Variants in ZNF804B observed in about 807,000 individuals in gnomAD.
ZNF804B encodes the protein zinc finger 804B.
Under a neutral mutation model 101.4 loss-of-function variants are expected in ZNF804B, and 80 were observed. The observed-to-expected ratio is 0.79, with a 90% CI of 0.66 to 0.95. ZNF804B has a LOEUF of 0.95. Among genes scored for constraint, ZNF804B ranks in the 40% least tolerant of loss-of-function variants. The probability of loss-of-function intolerance (pLI) is 0.00; values close to 1 mark genes in which losing one functional copy is unlikely to be tolerated. For synonymous variants in ZNF804B, 622 were observed against 558.8 expected (o/e 1.11, Z -1.59); for missense variants, 1,673 against 1,561.9 (o/e 1.07, Z -1.20).
chr7:88,802,399 TGTTAAAATAC>T (rs1255713460), intron 1 of ZNF804B, among the ~76,000 whole-genome samples: 1 of 152,104 alleles, frequency 6.6e-6, no homozygotes, highest in Non-Finnish European at 1.5e-5. Context: ...TTTTTGTTTT[TGTTAAAATAC>T]GTTAAAATTG....
At chr7:88,857,276 A>G (rs1299811659) in intron 1 of ZNF804B, among the ~76,000 whole-genome samples, 3 of 152,150 alleles carry the variant, frequency 2.0e-5, no homozygotes, top group African/African-American at 4.8e-5. Flanking sequence ...CAGAACTGAC[A>G]GAAATAGAGA....
At chr7:88,807,476 G>A (rs1050812804) in intron 1 of ZNF804B, among the ~76,000 whole-genome samples, 22 of 152,144 alleles carry the variant, frequency 1.4e-4, no homozygotes, top group Non-Finnish European at 2.9e-4. Context: ...AAGAATGATC[G>A]CTCTGAATAC....
chr7:88,810,171 C>T (rs1361299995), intron 1 of ZNF804B, among the ~76,000 whole-genome samples: 1 of 151,866 alleles, frequency 6.6e-6, no homozygotes, highest in African/African-American at 2.4e-5. Context: ...AACAGGTATC[C>T]CTGATAATGT....
chr7:89,109,937 G>A (rs147077814), intron 1 of ZNF804B, among the ~76,000 whole-genome samples: 2 of 151,940 alleles, frequency 1.3e-5, no homozygotes, highest in African/African-American at 4.8e-5. Context: ...AACTATTTGG[G>A]CCAAACTCTG....
At chr7:89,101,029 G>T (rs1790047536) in intron 1 of ZNF804B, among the ~76,000 whole-genome samples, 1 of 151,908 alleles carries the variant, frequency 6.6e-6, no homozygotes, top group Non-Finnish European at 1.5e-5. Context: ...CCCACAAAAA[G>T]AAATGATACA....
chr7:88,884,496 T>TA (rs1390143684), intron 1 of ZNF804B, among the ~76,000 whole-genome samples: 1 of 151,854 alleles, frequency 6.6e-6, no homozygotes, highest in South Asian at 2.1e-4. Context: ...TCTTAAAGTT[T>TA]AAAAAAATCT....
chr7:89,079,909 G>A (rs1789671059), intron 1 of ZNF804B, among the ~76,000 whole-genome samples: 1 of 151,980 alleles, frequency 6.6e-6, no homozygotes, highest in African/African-American at 2.4e-5. Flanking sequence ...AGTATTAGGA[G>A]ATAAAAAGAG....
intron 1 of ZNF804B, among the ~76,000 whole-genome samples, chr7:88,772,491 A>T (rs1790084191): frequency 6.6e-6 from 1 of 152,188 alleles, no homozygotes; most frequent in African/African-American, 2.4e-5. Flanking sequence ...TTGGCCTAAA[A>T]TATTCATAAG....
chr7:89,067,752 A>C (rs1789474300), intron 1 of ZNF804B, among the ~76,000 whole-genome samples: 1 of 152,074 alleles, frequency 6.6e-6, no homozygotes, highest in African/African-American at 2.4e-5. Context: ...CTGAGTTCAA[A>C]GCCAGGTTTC....
At chr7:89,043,353 T>C (rs746386154) in intron 1 of ZNF804B, among the ~76,000 whole-genome samples, 4 of 152,244 alleles carry the variant, frequency 2.6e-5, no homozygotes. Context: ...TTTTTACAAT[T>C]AAACACAGTA....
intron 1 of ZNF804B, among the ~76,000 whole-genome samples, chr7:88,823,270 T>C (rs1180570529): frequency 6.6e-6 from 1 of 152,070 alleles, no homozygotes; most frequent in African/African-American, 2.4e-5. Context: ...TTCAGTGAAG[T>C]CATAGTGCAT....
chr7:88,907,278 T>A (rs1792487553), intron 1 of ZNF804B, among the ~76,000 whole-genome samples: 1 of 152,008 alleles, frequency 6.6e-6, no homozygotes, highest in African/African-American at 2.4e-5. Context: ...AGTCTTGTCT[T>A]TTTATCCAGT....
intron 1 of ZNF804B, among the ~76,000 whole-genome samples, chr7:88,990,816 T>C (rs1562852997): frequency 6.6e-6 from 1 of 152,176 alleles, no homozygotes; most frequent in African/African-American, 2.4e-5. Flanking sequence ...TTTATCTATA[T>C]TATTTTTATG....
At chr7:88,900,672 A>T in intron 1 of ZNF804B, among the ~76,000 whole-genome samples, 1 of 151,150 alleles carries the variant, frequency 6.6e-6, no homozygotes, top group East Asian at 1.9e-4. Context: ...ATATTTGAAC[A>T]AATATTCATA....
chr7:89,107,711 A>G (rs1329420223), intron 1 of ZNF804B, among the ~76,000 whole-genome samples: 3 of 152,154 alleles, frequency 2.0e-5, no homozygotes, highest in Non-Finnish European at 4.4e-5. Flanking sequence ...GAAAAGAATG[A>G]TAATTTCCTT....
chr7:89,269,174 A>G (rs970783494), intron 2 of ZNF804B, among the ~76,000 whole-genome samples: 2 of 152,008 alleles, frequency 1.3e-5, no homozygotes, highest in Non-Finnish European at 2.9e-5. Flanking sequence ...TTAACTCGTC[A>G]TTTACATTAG....
intron 1 of ZNF804B, among the ~76,000 whole-genome samples, chr7:88,881,100 T>G (rs945987707): frequency 7.2e-5 from 11 of 152,108 alleles, no homozygotes; most frequent in African/African-American, 2.7e-4. Flanking sequence ...TTCATCATTA[T>G]TAAATTATTG....
At chr7:88,830,464 G>A (rs1791115166) in intron 1 of ZNF804B, among the ~76,000 whole-genome samples, 1 of 151,410 alleles carries the variant, frequency 6.6e-6, no homozygotes, top group South Asian at 2.1e-4. Context: ...CAACATATTG[G>A]GCTCCTATAT....
chr7:89,017,922 CTTTAGATTT>C (rs749282899), intron 1 of ZNF804B, among the ~76,000 whole-genome samples: 3 of 151,940 alleles, frequency 2.0e-5, no homozygotes, highest in Admixed American at 6.6e-5. Context: ...TGGGAAGAGC[CTTTAGATTT>C]TTCTATGCAT....
Sources: allele counts gnomAD v4.1 joint callset (sites outside exome capture counted in the v4.1 genomes callset), GRCh38; gene constraint gnomAD v4.1.1; transcripts MANE v1.5; gene names NCBI Gene and HGNC (gene_info 2026-07-23, HGNC 2026-07-21).